The following KDM1B variants were observed in gnomAD, a reference collection of about 807,000 sequenced individuals.
The protein encoded by KDM1B is lysine-specific histone demethylase 2.
A neutral mutation model predicts 107.4 loss-of-function variants in KDM1B; 63 were observed. The observed-to-expected ratio is 0.59, with a 90% CI of 0.48 to 0.72. The LOEUF (loss-of-function observed/expected upper bound fraction) is 0.72, where lower values mean the gene tolerates loss of function less well. KDM1B is among the 30% of genes least tolerant of loss of function. The probability of loss-of-function intolerance (pLI) is 0.00; values close to 1 mark genes in which losing one functional copy is unlikely to be tolerated. For missense variants in KDM1B, 749 were observed against 1,020.8 expected, an observed-to-expected ratio of 0.73 and a Z score of 3.63; for synonymous variants, 363 against 363.9, an observed-to-expected ratio of 1.00 and a Z score of 0.03.
intron 5 of KDM1B, among the ~76,000 whole-genome samples, chr6:18,163,368 A>T (rs1479900185): frequency 1.3e-5 from 2 of 152,024 alleles, no homozygotes; most frequent in African/African-American, 2.4e-5. Context: ...CGAAACAGTT[A>T]TTTCTTGAGT....
In KDM1B at chr6:18,172,897, C is replaced by T. The variant is rs746904871; in HGVS notation, c.534+1418C>T. Among the ~76,000 whole-genome samples, 1 of 151,970 alleles carries T rather than the reference C, an allele frequency of 6.6e-6. No homozygotes were observed. Among genetic ancestry groups the T allele is most frequent in the African/African-American group, 2.4e-5 (1 of 41,364 alleles). The stretch of plus-strand genomic sequence containing the variant: ...CCGAGGTCAGGAGTTCAAGACCAGC[C>T]TGGCCAACATGTTGAAACCCTGTCT... On this transcript the variant is annotated intron_variant, in intron 7 of 21. Transcript: ENST00000650836. The surrounding 1 kb of genome is among the most constrained non-coding windows in gnomAD (Gnocchi z 5.2).
intron 8 of KDM1B, 53 bp from the exon 9 acceptor site, chr6:18,187,739 T>C (rs1380064183): frequency 5.6e-5 from 67 of 1,198,606 alleles, no homozygotes; most frequent in Non-Finnish European, 7.6e-5. Context: ...AGAATCTGCA[T>C]GTACATTTCT....
At chr6:18,184,598 A>G (rs1015045269) in intron 7 of KDM1B, among the ~76,000 whole-genome samples, 1 of 151,848 alleles carries the variant, frequency 6.6e-6, no homozygotes, top group African/African-American at 2.4e-5. Context: ...TTTGCCCAAC[A>G]TTGTGAGATG....
chr6:18,156,414 G>A (rs1170513600), intron 2 of KDM1B, among the ~76,000 whole-genome samples: 1 of 152,132 alleles, frequency 6.6e-6, no homozygotes, highest in Non-Finnish European at 1.5e-5. Flanking sequence ...CTCCAGTTGG[G>A]GAATCCCCCA....
At chr6:18,194,982 T>C (rs1787547208) in intron 10 of KDM1B, among the ~76,000 whole-genome samples, 2 of 152,228 alleles carry the variant, frequency 1.3e-5, no homozygotes, top group Admixed American at 1.3e-4. Flanking sequence ...ACCACGAATC[T>C]ACTCTCTATC....
intron 17 of KDM1B, among the ~76,000 whole-genome samples, chr6:18,208,603 G>GTGTGTGTGTATATATATA (rs1359166965): frequency 2.9e-5 from 1 of 34,896 alleles, no homozygotes; most frequent in Non-Finnish European, 4.8e-5. Flanking sequence ...GTATGTGTAT[G>GTGTGTGTGTATATATATA]TATATATATA....
chr6:18,223,760 G>A lies in KDM1B; in HGVS notation c.*1768G>A, dbSNP rs1300509817. The A allele has an allele frequency of 6.6e-6, 1 of 152,072 alleles. No individual in the cohort carries two copies. The highest frequency in any genetic ancestry group is 1.5e-5 in the Non-Finnish European group (1 of 68,016). 9.4% of individuals were successfully genotyped at this position (152,072 alleles called of 1,614,324 possible). A position where few individuals can be genotyped will look rare whatever the true frequency, so the allele number is the denominator to read the frequency against. ...AATGCCATCTGAAGATTTTGTAATT[G>A]AGTAGCAGTAAATATACAGATTTAC... On this transcript the variant is annotated 3_prime_UTR_variant, in exon 22 of 22. Coordinates refer to ENST00000650836, the MANE Select transcript of KDM1B (RefSeq NM_001364614.2).
At chr6:18,175,980 A>T (rs1582111842) in intron 7 of KDM1B, among the ~76,000 whole-genome samples, 1 of 151,714 alleles carries the variant, frequency 6.6e-6, no homozygotes, top group Non-Finnish European at 1.5e-5. Context: ...GAGTTTTAGA[A>T]TTTTTTCTAA....
intron 7 of KDM1B, among the ~76,000 whole-genome samples, chr6:18,180,361 G>A (rs1366847082): frequency 6.6e-6 from 1 of 152,054 alleles, no homozygotes; most frequent in Admixed American, 6.6e-5. Flanking sequence ...AGTTGACTCA[G>A]TGGCATTTCA....
At chr6:18,165,989 A>G (rs929509285) in intron 5 of KDM1B, among the ~76,000 whole-genome samples, 1 of 152,192 alleles carries the variant, frequency 6.6e-6, no homozygotes, top group African/African-American at 2.4e-5. Flanking sequence ...CCTGAGCAAC[A>G]TAGCAACACC....
Position 18,160,022 on chromosome 6 carries a change from A to G in KDM1B, c.87+40A>G, listed in dbSNP as rs757895664. The G allele has an allele frequency of 6.0e-6, 8 of 1,328,994 alleles. No individual in the cohort carries two copies. The East Asian group carries it at 1.9e-4, about 31-fold the overall frequency. The allele number at this position is 1,328,994 out of a possible 1,614,324, so 82.3% of individuals were successfully genotyped here. A position where few individuals can be genotyped will look rare whatever the true frequency, so the allele number is the denominator to read the frequency against. ...TTCATTCAACAAGCCTTTTTTGAGC[A>G]TGCAGAATTACTGATTGGGACTGGA... On this transcript the variant is annotated intron_variant, in intron 3 of 21. Transcript: ENST00000650836.
At position 18,191,599 on chromosome 6, in the gene KDM1B, C is replaced by A. The variant is rs1236032553; in HGVS notation, c.969+218C>A. On this transcript the variant is annotated intron_variant, in intron 10 of 21. Transcript: ENST00000650836. This position sits in a 1 kb window ranked among gnomAD's most constrained non-coding sequence, Gnocchi z 5.1. ...TTCTACCCACTAGATTCCAGTAATGCTTCCCACCTGTGAAAACCAAATACG... is the reference window on the plus strand; with the variant it reads ...TTCTACCCACTAGATTCCAGTAATGATTCCCACCTGTGAAAACCAAATACG... Among the ~76,000 whole-genome samples, 1 of 152,154 alleles carries A rather than the reference C, an allele frequency of 6.6e-6. No homozygotes were observed. Among genetic ancestry groups the A allele is most frequent in the Non-Finnish European group, 1.5e-5 (1 of 68,032 alleles).
rs1177850023 is a variant in KDM1B, at chr6:18,169,234, A to AT, written c.418-2113dup. Reference sequence around the variant, plus strand: ...AGTTGTAAGAATTATATATATATAAATTTTTTTTTTTTTTTTGAGATGGAG... The same window carrying AT: ...AGTTGTAAGAATTATATATATATAAATTTTTTTTTTTTTTTTTGAGATGGAG... On this transcript the variant is annotated intron_variant, in intron 6 of 21. Transcript: ENST00000650836. 3.0e-3 allele frequency among the ~76,000 whole-genome samples: 418 copies of AT among 140,366 alleles called. 2 individuals carry two copies. Among genetic ancestry groups the AT allele is most frequent in the African/African-American group, 9.5e-3 (355 of 37,318 alleles). 92.1% of individuals were successfully genotyped at this position (140,366 alleles called of 152,430 possible). A position where few individuals can be genotyped will look rare whatever the true frequency, so the allele number is the denominator to read the frequency against.
At chr6:18,169,235 T>G (rs1225047258) in intron 6 of KDM1B, among the ~76,000 whole-genome samples, 3 of 137,332 alleles carry the variant, frequency 2.2e-5, no homozygotes, top group Non-Finnish European at 4.7e-5. Context: ...TATATATAAA[T>G]TTTTTTTTTT....
At chr6:18,199,964 C>T (rs1486342751) in intron 12 of KDM1B, among the ~76,000 whole-genome samples, 4 of 152,170 alleles carry the variant, frequency 2.6e-5, no homozygotes, top group African/African-American at 9.6e-5. Flanking sequence ...CTGCAGCCTC[C>T]ACCTCCAGGG....
At chr6:18,220,833 G>A (rs1221830002) in intron 21 of KDM1B, among the ~76,000 whole-genome samples, 6 of 150,476 alleles carry the variant, frequency 4.0e-5, no homozygotes, top group Non-Finnish European at 5.9e-5. Context: ...GTGCAGTGGC[G>A]CGATCTTGGC....
chr6:18,179,852 T>G (rs1786324503), intron 7 of KDM1B, among the ~76,000 whole-genome samples: 1 of 29,744 alleles, frequency 3.4e-5, no homozygotes, highest in African/African-American at 1.1e-4. Context: ...TTTTTTTCCT[T>G]TTTTTTTTTT....
chr6:18,168,710 T>A (rs1000017171), intron 6 of KDM1B, among the ~76,000 whole-genome samples: 20 of 152,226 alleles, frequency 1.3e-4, no homozygotes, highest in African/African-American at 4.6e-4. Flanking sequence ...TTCATTCCTG[T>A]CTGTAGCATA....
intron 7 of KDM1B, among the ~76,000 whole-genome samples, chr6:18,173,263 G>T (rs1785781069): frequency 6.6e-6 from 1 of 152,078 alleles, no homozygotes; most frequent in Non-Finnish European, 1.5e-5. Context: ...TAGTATCATT[G>T]TAGGGTTAGT....
Sources: gnomAD v4.1 joint callset for allele counts (sites outside exome capture counted in the v4.1 genomes callset) on GRCh38, gnomAD v4.1.1 for gene constraint, Gnocchi (gnomAD v3.1) non-coding constraint, MANE v1.5 for transcripts, NCBI Gene and HGNC (gene_info 2026-07-23, HGNC 2026-07-21) for gene names.